The following CACNA1G variants were observed in gnomAD, a reference collection of about 807,000 sequenced individuals.
CACNA1G encodes calcium voltage-gated channel subunit alpha1 G.
Under a neutral mutation model 219.4 loss-of-function variants are expected in CACNA1G, and 67 were observed. That is an observed-to-expected ratio of 0.31 (90% CI 0.25 to 0.37). The LOEUF is 0.37. Among genes scored for constraint, CACNA1G ranks in the 10% least tolerant of loss-of-function variants. The pLI is 1.00. For synonymous variants in CACNA1G, 1,296 were observed against 1,345.3 expected, an observed-to-expected ratio of 0.96 and a Z score of 0.80; for missense variants, 2,380 against 3,231.4, an observed-to-expected ratio of 0.74 and a Z score of 6.39.
At chr17:50,585,549 G>A (rs1372851266) in intron 9 of CACNA1G, among the ~76,000 whole-genome samples, 1 of 152,222 alleles carries the variant, frequency 6.6e-6, no homozygotes, top group Non-Finnish European at 1.5e-5. Context: ...CAGAGAGGCA[G>A]TGACTGTGGC....
In CACNA1G at chr17:50,626,644, C is replaced by T; in HGVS notation, c.7027C>T (p.Pro2343Ser). ...RRAPSSDSKDPLASGPPDSMA... is the reference protein window; with the variant it reads ...RRAPSSDSKDSLASGPPDSMA... ...GGCTCCGTCCAGCGACTCCAAGGAT[C>T]CCTTGGCCTCTGGCCCCCCTGACAG... is the stretch of plus-strand genomic sequence containing the variant. Residue 2343 changes from proline (P) to serine (S), a missense_variant, in exon 38 of 38, where the codon CCC becomes TCC. Around this residue, in one of 17 missense-constraint regions of CACNA1G, gnomAD observed 672 missense variants for 670.5 expected, o/e 1.00. Coordinates refer to ENST00000359106, the MANE Select transcript of CACNA1G (RefSeq NM_018896.5). This position sits in a 1 kb window ranked among gnomAD's most constrained non-coding sequence, Gnocchi z 4.3. The T allele has an allele frequency of 6.2e-7, 1 of 1,613,236 alleles. No individual in the cohort carries two copies. The highest frequency in any genetic ancestry group is 8.5e-7 in the Non-Finnish European group (1 of 1,179,832).
Position 50,618,642 on chromosome 17 carries a change from C to T in CACNA1G, c.5428-13C>T. On this transcript the variant is annotated splice_polypyrimidine_tract_variant and intron_variant, in intron 32 of 37. Transcript: ENST00000359106. This position sits in a 1 kb window ranked among gnomAD's most constrained non-coding sequence, Gnocchi z 5.3. Reference sequence around the variant, plus strand: ...TCCTCCCCAGCCTCACCCCTCTATTCCACCCTCCCCAGGACACCCTCCGGG... The same window carrying T: ...TCCTCCCCAGCCTCACCCCTCTATTTCACCCTCCCCAGGACACCCTCCGGG... 1.3e-6 allele frequency: 2 copies of T among 1,596,484 alleles called. No homozygotes were observed. Among genetic ancestry groups the T allele is most frequent in the African/African-American group, 2.7e-5 (2 of 74,662 alleles).
intron 9 of CACNA1G, among the ~76,000 whole-genome samples, chr17:50,588,406 C>T (rs77282642): frequency 0.078 from 11,929 of 152,046 alleles, 1,635 homozygotes; most frequent in African/African-American, 0.27. Flanking sequence ...ATCCAAGGCC[C>T]GAAAACACGG....
intron 10 of CACNA1G, among the ~76,000 whole-genome samples, chr17:50,591,091 A>G (rs1343975911): frequency 6.6e-6 from 1 of 152,232 alleles, no homozygotes; most frequent in East Asian, 1.9e-4. Context: ...GGGCCAGGAG[A>G]ACCACTTTAT....
Position 50,618,599 on chromosome 17 carries a change from C to T in CACNA1G, c.5428-56C>T. ...GTGACACCAGTGACCTGATTTTCCACAACAGCTCCAACAACTGTCCTCCCC... is the reference window on the plus strand; with the variant it reads ...GTGACACCAGTGACCTGATTTTCCATAACAGCTCCAACAACTGTCCTCCCC... On this transcript the variant is annotated intron_variant, in intron 32 of 37. Coordinates refer to ENST00000359106, the MANE Select transcript of CACNA1G (RefSeq NM_018896.5). The surrounding 1 kb of genome is among the most constrained non-coding windows in gnomAD (Gnocchi z 5.3). 16 of 1,374,796 alleles carry T rather than the reference C, an allele frequency of 1.2e-5. No individual in the cohort carries two copies. The South Asian group carries it at 2.0e-4, about 17-fold the overall frequency. 85.2% of individuals were successfully genotyped at this position (1,374,796 alleles called of 1,614,324 possible). A position where few individuals can be genotyped will look rare whatever the true frequency, so the allele number is the denominator to read the frequency against.
chr17:50,578,209 A>G lies in CACNA1G; in HGVS notation c.1946A>G (p.Lys649Arg), dbSNP rs759383448. The G allele has an allele frequency of 6.3e-7, 1 of 1,585,958 alleles. No individual in the cohort carries two copies. Among genetic ancestry groups the G allele is most frequent in the South Asian group, 1.1e-5 (1 of 88,628 alleles). Residue 649 changes from lysine (K) to arginine (R), a missense_variant, in exon 9 of 38, where the codon AAG becomes AGG. By Grantham distance (26) the Lys-to-Arg change is conservative. Around this residue, in one of 17 missense-constraint regions of CACNA1G, gnomAD observed 434 missense variants for 417.3 expected, o/e 1.04. Coordinates refer to ENST00000359106, the MANE Select transcript of CACNA1G (RefSeq NM_018896.5). This position sits in a 1 kb window ranked among gnomAD's most constrained non-coding sequence, Gnocchi z 4.5. The stretch of plus-strand genomic sequence containing the variant: ...CCAGGTGCCTGCCAAAGCTCTTGCA[A>G]GATCTCCAGCCCTTGCTTGAAAGCA... Reference protein sequence around the residue: ...QSTGACQSSCKISSPCLKADS... With the variant: ...QSTGACQSSCRISSPCLKADS...
chr17:50,616,228 A>G, intron 27 of CACNA1G, 47 bp from the exon 28 acceptor site: 1 of 1,196,980 alleles, frequency 8.4e-7, no homozygotes, highest in Non-Finnish European at 1.2e-6. Context: ...GACAAGCCCC[A>G]GCCCTGGGCC....
At position 50,603,266 on chromosome 17, in the gene CACNA1G, G is replaced by A. The variant is rs903168470; in HGVS notation, c.4169+67G>A. 1.8e-5 allele frequency: 25 copies of A among 1,375,622 alleles called. 1 individual carries two copies. Among genetic ancestry groups the A allele is most frequent in the African/African-American group, 1.3e-4 (9 of 69,914 alleles). The allele number at this position is 1,375,622 out of a possible 1,614,324, so 85.2% of individuals were successfully genotyped here. On this transcript the variant is annotated intron_variant, in intron 21 of 37. Transcript: ENST00000359106. This position sits in a 1 kb window ranked among gnomAD's most constrained non-coding sequence, Gnocchi z 6.4. ...CCCCTCCGCAGGGACATCTCCCACC[G>A]CCAGCACTCCCTGCCACGAAACAAA... is the stretch of plus-strand genomic sequence containing the variant.
At chr17:50,573,141 G>A in intron 7 of CACNA1G, 28 bp downstream of exon 7, 1 of 1,513,966 alleles carries the variant, frequency 6.6e-7, no homozygotes, top group Non-Finnish European at 9.0e-7. Context: ...TCCCCGTGGG[G>A]ATGGGCGATC....
In CACNA1G at chr17:50,611,169, G is replaced by A. The variant is rs1371691908; in HGVS notation, c.4759+1234G>A. ...CTCGGGAGGCTGAGGCAGGAGAATC[G>A]CTTCAACCCGGGAGGCGGAGGTTGC... On this transcript the variant is annotated intron_variant, in intron 26 of 37. Transcript: ENST00000359106. Among the ~76,000 whole-genome samples the A allele has an allele frequency of 2.6e-5, 4 of 151,456 alleles. No homozygotes were observed. In the East Asian group the frequency reaches 5.9e-4, roughly 22 times the overall value.
chr17:50,626,245 G>A lies in CACNA1G; in HGVS notation c.6628G>A (p.Glu2210Lys), dbSNP rs2053778650. ...PEPNWGKGPP[E>K]TRSSLELDTE... Reference sequence around the variant, plus strand: ...ACCCAACTGGGGCAAGGGCCCTCCAGAGACCAGAAGCAGCTTAGAGTTGGA... The same window carrying A: ...ACCCAACTGGGGCAAGGGCCCTCCAAAGACCAGAAGCAGCTTAGAGTTGGA... Residue 2210 changes from glutamate to lysine, a missense_variant, in exon 38 of 38, where the codon GAG becomes AAG. Around this residue, in one of 17 missense-constraint regions of CACNA1G, gnomAD observed 672 missense variants for 670.5 expected, o/e 1.00. Coordinates refer to ENST00000359106, the MANE Select transcript of CACNA1G (RefSeq NM_018896.5). This position sits in a 1 kb window ranked among gnomAD's most constrained non-coding sequence, Gnocchi z 4.3. 6.2e-7 allele frequency: 1 copy of A among 1,613,782 alleles called. No individual in the cohort carries two copies. The highest frequency in any genetic ancestry group is 1.3e-5 in the African/African-American group (1 of 75,032).
chr17:50,573,903 G>T (rs1005607732), intron 7 of CACNA1G, among the ~76,000 whole-genome samples: 4 of 152,178 alleles, frequency 2.6e-5, no homozygotes, highest in African/African-American at 9.7e-5. Flanking sequence ...CAATGTGCTG[G>T]TGCATTTAAT....
chr17:50,579,728 T>C (rs1361420864), intron 9 of CACNA1G, among the ~76,000 whole-genome samples: 1 of 152,010 alleles, frequency 6.6e-6, no homozygotes, highest in East Asian at 1.9e-4. Context: ...CCTCCCCACC[T>C]CCGCACCCTC....
In CACNA1G at chr17:50,591,453, C is replaced by A; in HGVS notation, c.2472C>A (p.Gly824=). 3 of 1,582,484 alleles carry A rather than the reference C, an allele frequency of 1.9e-6. No individual in the cohort carries two copies. Among genetic ancestry groups the A allele is most frequent in the Non-Finnish European group, 2.6e-6 (3 of 1,165,990 alleles). Residue 824 remains glycine (G), a synonymous_variant, in exon 11 of 38, where the codon GGC becomes GGA. Coordinates refer to ENST00000359106, the MANE Select transcript of CACNA1G (RefSeq NM_018896.5). ...TTTGCAGCGTGTGGGAGATCGTGGG[C>A]CAGCAGGGGGGCGGCCTGTCGGTGC... ...IVVISVWEIV[G]QQGGGLSVLR...
chr17:50,567,567 C>T (rs2144570854), intron 1 of CACNA1G, among the ~76,000 whole-genome samples: 1 of 152,238 alleles, frequency 6.6e-6, no homozygotes, highest in East Asian at 1.9e-4. Context: ...ATTCCACCTG[C>T]TCTGGGCCCT....
chr17:50,621,952 G>A lies in CACNA1G; in HGVS notation c.6060+158G>A, dbSNP rs1036909518. Among the ~76,000 whole-genome samples the A allele has an allele frequency of 2.6e-5, 4 of 152,116 alleles. No homozygotes were observed. The highest frequency in any genetic ancestry group is 5.9e-5 in the Non-Finnish European group (4 of 68,024). On this transcript the variant is annotated intron_variant, in intron 35 of 37. Coordinates refer to ENST00000359106, the MANE Select transcript of CACNA1G (RefSeq NM_018896.5). This position sits in a 1 kb window ranked among gnomAD's most constrained non-coding sequence, Gnocchi z 4.6. ...AACTGTCAGGACCTCGGTGGCCCAC[G>A]CTTTGCTGGCACAAGGTCTTCAGGT...
chr17:50,607,743 C>A, intron 24 of CACNA1G, 84 bp from the exon 25 acceptor site: 1 of 1,209,826 alleles, frequency 8.3e-7, no homozygotes, highest in Non-Finnish European at 1.2e-6. Context: ...TATTTGGGTT[C>A]GCAGGAACCC....
At chr17:50,579,240 C>T (rs934864268) in intron 9 of CACNA1G, among the ~76,000 whole-genome samples, 111 of 152,272 alleles carry the variant, frequency 7.3e-4, no homozygotes, top group African/African-American at 2.6e-3. Flanking sequence ...TCAGCAGGGA[C>T]AGGCAAGCTG....
At chr17:50,608,489 C>T (rs1189978936) in intron 25 of CACNA1G, among the ~76,000 whole-genome samples, 1 of 150,660 alleles carries the variant, frequency 6.6e-6, no homozygotes, top group African/African-American at 2.4e-5. Flanking sequence ...ACCCAGACAC[C>T]CCTCCCTCCC....
Sources: allele counts gnomAD v4.1 joint callset (sites outside exome capture counted in the v4.1 genomes callset), GRCh38; gene constraint gnomAD v4.1.1; regional missense constraint gnomAD v4.1.1; non-coding constraint Gnocchi (gnomAD v3.1); transcripts MANE v1.5; gene names NCBI Gene and HGNC (gene_info 2026-07-23, HGNC 2026-07-21).